Variants in KCNIP1 observed in about 807,000 individuals in gnomAD.
KCNIP1 encodes potassium voltage-gated channel interacting protein 1, also known as A-type potassium channel modulatory protein KCNIP1.
In KCNIP1, 18 loss-of-function variants were observed where a neutral mutation model predicts 33.0. The ratio of observed to expected loss-of-function variants is 0.55; its 90% CI spans 0.38 to 0.81. The LOEUF is 0.81. KCNIP1 is among the 30% of genes least tolerant of loss of function. The pLI is 0.00. For missense variants in KCNIP1, 238 were observed against 271.6 expected, an observed-to-expected ratio of 0.88 and a Z score of 0.87; for synonymous variants, 93 against 98.3, an observed-to-expected ratio of 0.95 and a Z score of 0.32.
At chr5:170,642,227 G>C (rs944571253) in intron 1 of KCNIP1, 1 of 152,588 alleles carries the variant, frequency 6.6e-6, no homozygotes, top group Non-Finnish European at 1.5e-5. Flanking sequence ...TGGTGCTGGG[G>C]ACATGCCGGG....
At chr5:170,521,934 C>T (rs1755377738) in intron 1 of KCNIP1, among the ~76,000 whole-genome samples, 1 of 152,208 alleles carries the variant, frequency 6.6e-6, no homozygotes, top group Admixed American at 6.5e-5. Flanking sequence ...CTTGTTGCTC[C>T]CCCAACCCTA....
At chr5:170,475,639 T>C (rs1278167419) in intron 1 of KCNIP1, among the ~76,000 whole-genome samples, 1 of 152,240 alleles carries the variant, frequency 6.6e-6, no homozygotes, top group African/African-American at 2.4e-5. Flanking sequence ...CTTTCTGTTC[T>C]GGATGCTGCT....
chr5:170,402,213 A>C (rs999787981), intron 1 of KCNIP1, among the ~76,000 whole-genome samples: 1 of 148,198 alleles, frequency 6.7e-6, no homozygotes, highest in Non-Finnish European at 1.5e-5. Context: ...AATGTCTACA[A>C]AGACTCTTTT....
chr5:170,408,973 C>G (rs1755109802), intron 1 of KCNIP1, among the ~76,000 whole-genome samples: 1 of 152,220 alleles, frequency 6.6e-6, no homozygotes, highest in Non-Finnish European at 1.5e-5. Flanking sequence ...TCCCCAGGCA[C>G]TGCAAAGTGG....
chr5:170,449,803 C>G (rs77374098), intron 1 of KCNIP1, among the ~76,000 whole-genome samples: 18,107 of 152,048 alleles, frequency 0.12, 1,334 homozygotes, highest in South Asian at 0.27. Flanking sequence ...CCCTCCTTTG[C>G]AGTTCCTTCT....
intron 1 of KCNIP1, among the ~76,000 whole-genome samples, chr5:170,614,614 C>T (rs1759298104): frequency 1.3e-5 from 2 of 152,188 alleles, no homozygotes; most frequent in Non-Finnish European, 1.5e-5. Context: ...TTCTCTCCCC[C>T]GTTGAGAATG....
chr5:170,643,594 G>C (rs541689655), intron 1 of KCNIP1, among the ~76,000 whole-genome samples: 2 of 152,192 alleles, frequency 1.3e-5, no homozygotes, highest in South Asian at 4.1e-4. Context: ...AGTGAGACTC[G>C]CCTTCCCCAG....
chr5:170,424,193 G>A (rs1755563172), intron 1 of KCNIP1, among the ~76,000 whole-genome samples: 1 of 152,200 alleles, frequency 6.6e-6, no homozygotes, highest in Non-Finnish European at 1.5e-5. Flanking sequence ...CAAGTGCGGG[G>A]TAGCAGGAGA....
intron 1 of KCNIP1, among the ~76,000 whole-genome samples, chr5:170,452,437 T>C (rs998619591): frequency 2.0e-5 from 3 of 152,074 alleles, no homozygotes; most frequent in Admixed American, 2.0e-4. Flanking sequence ...CCATTGTAAA[T>C]TTCTGCCTGG....
chr5:170,472,826 G>A (rs975043448), intron 1 of KCNIP1, among the ~76,000 whole-genome samples: 4 of 152,176 alleles, frequency 2.6e-5, no homozygotes, highest in South Asian at 2.1e-4. Context: ...TTATCCACTC[G>A]TTGATTGATG....
intron 1 of KCNIP1, among the ~76,000 whole-genome samples, chr5:170,429,958 T>C (rs1378597301): frequency 6.6e-6 from 1 of 152,178 alleles, no homozygotes; most frequent in Non-Finnish European, 1.5e-5. Flanking sequence ...ACCCAGGTAT[T>C]TCAGATCCTG....
intron 1 of KCNIP1, among the ~76,000 whole-genome samples, chr5:170,549,391 T>C (rs752470890): frequency 2.2e-4 from 33 of 152,200 alleles, no homozygotes; most frequent in Non-Finnish European, 1.2e-4. Context: ...CCATGGCTTT[T>C]AGTGTACCCA....
chr5:170,701,239 T>C (rs1009407284), intron 1 of KCNIP1, among the ~76,000 whole-genome samples: 4 of 152,186 alleles, frequency 2.6e-5, no homozygotes, highest in Admixed American at 6.5e-5. Context: ...AGACTTCCTA[T>C]AGAAGACATG....
Position 170,473,045 on chromosome 5 carries a change from C to T in KCNIP1, c.88+119081C>T, listed in dbSNP as rs73311778. Among the ~76,000 whole-genome samples the T allele has an allele frequency of 3.5e-3, 534 of 152,264 alleles. 3 individuals carry two copies. The highest frequency in any genetic ancestry group is 0.012 in the African/African-American group (511 of 41,552). ...GTGGCTGTTCTAGCTGACATTCCAA[C>T]GAGCAGTGTAGAAGTGTTCCCTGTT... is the stretch of plus-strand genomic sequence containing the variant. On this transcript the variant is annotated intron_variant, in intron 1 of 7. Transcript: ENST00000377360.
At chr5:170,470,612 G>T (rs1238105914) in intron 1 of KCNIP1, among the ~76,000 whole-genome samples, 1 of 152,230 alleles carries the variant, frequency 6.6e-6, no homozygotes, top group African/African-American at 2.4e-5. Flanking sequence ...TTTAAAGGTA[G>T]AGGGGGAGAG....
chr5:170,371,419 C>G (rs563601495), intron 1 of KCNIP1, among the ~76,000 whole-genome samples: 1 of 152,280 alleles, frequency 6.6e-6, no homozygotes, highest in South Asian at 2.1e-4. Context: ...AACAAGCTCT[C>G]AATAGTTGAC....
intron 1 of KCNIP1, among the ~76,000 whole-genome samples, chr5:170,596,354 C>T (rs191395774): frequency 6.6e-4 from 101 of 152,348 alleles, no homozygotes; most frequent in South Asian, 4.1e-3. Flanking sequence ...TCATGGGCAG[C>T]TGCCTCTTGG....
At chr5:170,718,403 T>A (rs1373229109) in intron 1 of KCNIP1, among the ~76,000 whole-genome samples, 1 of 152,252 alleles carries the variant, frequency 6.6e-6, no homozygotes, top group East Asian at 1.9e-4. Context: ...CTTACTTGCC[T>A]GTGTCTCTGG....
chr5:170,623,512 C>T (rs1021170147), intron 1 of KCNIP1, among the ~76,000 whole-genome samples: 5 of 151,654 alleles, frequency 3.3e-5, no homozygotes, highest in Admixed American at 6.6e-5. Context: ...ACGACCTGCC[C>T]GGGGACCCCT....
Sources: gnomAD v4.1 joint callset for allele counts (sites outside exome capture counted in the v4.1 genomes callset) on GRCh38, gnomAD v4.1.1 for gene constraint, MANE v1.5 for transcripts, NCBI Gene and HGNC (gene_info 2026-07-23, HGNC 2026-07-21) for gene names.